Variants in CHRM3 observed in about 807,000 individuals in gnomAD.
The protein encoded by CHRM3 is muscarinic acetylcholine receptor M3.
Under a neutral mutation model 41.8 loss-of-function variants are expected in CHRM3, and 11 were observed. The observed-to-expected ratio is 0.26, with a 90% CI of 0.17 to 0.44. The LOEUF is 0.44. Ranked by LOEUF, CHRM3 falls within the 20% of genes least tolerant of loss-of-function variation. The pLI is 1.00. For missense variants in CHRM3, 571 were observed against 745.4 expected, an observed-to-expected ratio of 0.77 and a Z score of 2.72; for synonymous variants, 297 against 301.4, an observed-to-expected ratio of 0.99 and a Z score of 0.15.
intron 6 of CHRM3, among the ~76,000 whole-genome samples, chr1:239,872,631 T>C (rs1676691982): frequency 6.6e-6 from 1 of 152,164 alleles, no homozygotes; most frequent in Non-Finnish European, 1.5e-5. Context: ...TCTACTTTTA[T>C]AGGGAAAAAC....
intron 5 of CHRM3, among the ~76,000 whole-genome samples, chr1:239,747,985 C>T (rs1665513195): frequency 6.6e-6 from 1 of 152,018 alleles, no homozygotes; most frequent in Non-Finnish European, 1.5e-5. Flanking sequence ...TGCAGTGAGC[C>T]GAAATCGTGC....
chr1:239,892,420 A>G (rs190957510), intron 6 of CHRM3, among the ~76,000 whole-genome samples: 4 of 152,204 alleles, frequency 2.6e-5, no homozygotes, highest in Non-Finnish European at 5.9e-5. Context: ...TTTACATTTT[A>G]TGATTTAATC....
intron 1 of CHRM3, among the ~76,000 whole-genome samples, chr1:239,464,879 G>A (rs1401647924): frequency 1.3e-5 from 2 of 152,038 alleles, no homozygotes; most frequent in African/African-American, 2.4e-5. Context: ...GTTTTCGTTT[G>A]AGATGTTCCC....
At chr1:239,505,555 C>T (rs535862102) in intron 2 of CHRM3, among the ~76,000 whole-genome samples, 4 of 152,288 alleles carry the variant, frequency 2.6e-5, no homozygotes, top group African/African-American at 9.6e-5. Flanking sequence ...TGATTCTTTC[C>T]CCACCAACTT....
At chr1:239,416,783 C>G (rs1463794762) in intron 1 of CHRM3, among the ~76,000 whole-genome samples, 4 of 152,112 alleles carry the variant, frequency 2.6e-5, no homozygotes, top group Non-Finnish European at 4.4e-5. Context: ...AGCCCAGATG[C>G]CTGCCAGCCA....
chr1:239,491,306 AC>A (rs1364245861), intron 1 of CHRM3, among the ~76,000 whole-genome samples: 1 of 152,164 alleles, frequency 6.6e-6, no homozygotes, highest in Non-Finnish European at 1.5e-5. Context: ...ATCTAGCTGC[AC>A]TTTTATATCT....
At chr1:239,738,533 C>A (rs752228139) in intron 5 of CHRM3, among the ~76,000 whole-genome samples, 2 of 152,098 alleles carry the variant, frequency 1.3e-5, no homozygotes, top group Non-Finnish European at 2.9e-5. Context: ...AATTTCAGGG[C>A]AGTCAGAAAA....
At chr1:239,874,498 TTGAG>T (rs1344046254) in intron 6 of CHRM3, among the ~76,000 whole-genome samples, 1 of 151,052 alleles carries the variant, frequency 6.6e-6, no homozygotes, top group Non-Finnish European at 1.5e-5. Context: ...ACTGTGGGAC[TTGAG>T]TGAGTATTTG....
Position 239,419,549 on chromosome 1 carries a change from A to G in CHRM3, c.-521+32322A>G, listed in dbSNP as rs190043567. On this transcript the variant is annotated intron_variant, in intron 1 of 6. Coordinates refer to ENST00000676153, the MANE Select transcript of CHRM3 (RefSeq NM_001375978.1). ...TCAGGAAGTCACAAGGGAAGAACATATAAGGTGCTTTAGTTCATCTTCCTG... is the reference window on the plus strand; with the variant it reads ...TCAGGAAGTCACAAGGGAAGAACATGTAAGGTGCTTTAGTTCATCTTCCTG... Among the ~76,000 whole-genome samples the G allele has an allele frequency of 3.7e-4, 57 of 152,308 alleles. 1 individual carries two copies. Among genetic ancestry groups the G allele is most frequent in the African/African-American group, 1.3e-3 (56 of 41,584 alleles).
At chr1:239,451,963 C>T (rs1374086556) in intron 1 of CHRM3, among the ~76,000 whole-genome samples, 2 of 152,068 alleles carry the variant, frequency 1.3e-5, no homozygotes, top group Non-Finnish European at 2.9e-5. Context: ...ACAGACTATG[C>T]TGTATCTATA....
Position 239,455,608 on chromosome 1 carries a change from T to C in CHRM3, c.-520-37101T>C, listed in dbSNP as rs191295867. Among the ~76,000 whole-genome samples, 108 of 152,268 alleles carry C rather than the reference T, an allele frequency of 7.1e-4. 2 individuals are homozygous for C. The highest frequency in any genetic ancestry group is 6.8e-3 in the Admixed American group (104 of 15,290). The stretch of plus-strand genomic sequence containing the variant: ...ATGTTTAAAAAGTTAAAAAAATGTT[T>C]ACAGATAGAAAAAAGCTTATAGTAT... On this transcript the variant is annotated intron_variant, in intron 1 of 6. Transcript: ENST00000676153.
intron 3 of CHRM3, among the ~76,000 whole-genome samples, chr1:239,561,009 C>T (rs1293228031): frequency 6.6e-6 from 1 of 152,096 alleles, no homozygotes; most frequent in Non-Finnish European, 1.5e-5. Context: ...GTTCCTTAGT[C>T]GGTTTTATTG....
chr1:239,548,128 T>G (rs950469486), intron 3 of CHRM3, among the ~76,000 whole-genome samples: 4 of 152,190 alleles, frequency 2.6e-5, no homozygotes, highest in African/African-American at 9.6e-5. Flanking sequence ...TGAATCAACT[T>G]AAGATATTGT....
At chr1:239,816,546 G>C (rs1307560506) in intron 5 of CHRM3, among the ~76,000 whole-genome samples, 1 of 152,044 alleles carries the variant, frequency 6.6e-6, no homozygotes, top group Non-Finnish European at 1.5e-5. Context: ...AGCTCAGAAT[G>C]TTGCTCCCCA....
At chr1:239,596,388 A>C (rs1664775585) in intron 3 of CHRM3, among the ~76,000 whole-genome samples, 1 of 152,178 alleles carries the variant, frequency 6.6e-6, no homozygotes, top group South Asian at 2.1e-4. Flanking sequence ...CAAGTACAAA[A>C]GGGGAGACCT....
intron 6 of CHRM3, among the ~76,000 whole-genome samples, chr1:239,864,099 G>A (rs547354469): frequency 6.7e-6 from 1 of 150,086 alleles, no homozygotes; most frequent in South Asian, 2.1e-4. Flanking sequence ...AAAAAACTCA[G>A]TTGGGTGAGA....
intron 5 of CHRM3, among the ~76,000 whole-genome samples, chr1:239,824,783 GACAACAGTTATAA>G (rs1672324505): frequency 6.6e-6 from 1 of 152,214 alleles, no homozygotes; most frequent in Non-Finnish European, 1.5e-5. Flanking sequence ...CACAGGTATT[GACAACAGTTATAA>G]ACAAAATCCT....
At chr1:239,865,462 G>A (rs1037819656) in intron 6 of CHRM3, among the ~76,000 whole-genome samples, 2 of 152,172 alleles carry the variant, frequency 1.3e-5, no homozygotes, top group Non-Finnish European at 2.9e-5. Context: ...AGGAAAGGAG[G>A]AGGAAACAAA....
intron 5 of CHRM3, among the ~76,000 whole-genome samples, chr1:239,801,672 A>AG (rs1188201146): frequency 6.6e-6 from 1 of 152,218 alleles, no homozygotes; most frequent in Admixed American, 6.5e-5. Flanking sequence ...ATCTATAATC[A>AG]GCTGTTACAA....
Sources: allele counts gnomAD v4.1 joint callset (sites outside exome capture counted in the v4.1 genomes callset), GRCh38; gene constraint gnomAD v4.1.1; transcripts MANE v1.5; gene names NCBI Gene and HGNC (gene_info 2026-07-23, HGNC 2026-07-21).